NUDT9: variants seen among roughly 807,000 people sequenced by gnomAD.
The protein encoded by NUDT9 is ADP-ribose pyrophosphatase.
NUDT9 carries 31 observed loss-of-function variants against 41.0 expected under a neutral mutation model. The ratio of observed to expected loss-of-function variants is 0.76; its 90% CI spans 0.57 to 1.02. NUDT9 has a LOEUF of 1.02. Among genes scored for constraint, NUDT9 ranks in the 50% least tolerant of loss-of-function variants. NUDT9 has a pLI of 0.00. For missense variants in NUDT9, 380 were observed against 431.4 expected (o/e 0.88, Z 1.06); for synonymous variants, 146 against 147.6 (o/e 0.99, Z 0.08).
chr4:87,434,462 G>A (rs1721819139), intron 1 of NUDT9: 2 of 149,874 alleles, frequency 1.3e-5, no homozygotes, highest in South Asian at 4.2e-4. Flanking sequence ...TCAGTGAGTG[G>A]GTTCCAGCTA....
intron 4 of NUDT9, among the ~76,000 whole-genome samples, chr4:87,448,722 C>G (rs767555173): frequency 6.6e-6 from 1 of 152,168 alleles, no homozygotes; most frequent in African/African-American, 2.4e-5. Context: ...TCAAGCAATT[C>G]TCCCAAAGTG....
intron 5 of NUDT9, among the ~76,000 whole-genome samples, chr4:87,450,954 A>C (rs1359114599): frequency 6.6e-6 from 1 of 152,298 alleles, no homozygotes; most frequent in East Asian, 1.9e-4. Flanking sequence ...CCAGTTGGAG[A>C]GACAGATAAT....
chr4:87,433,940 A>G (rs771095176), intron 1 of NUDT9, among the ~76,000 whole-genome samples: 16 of 152,082 alleles, frequency 1.1e-4, no homozygotes, highest in African/African-American at 3.4e-4. Context: ...AATAATTTCT[A>G]TTTTCCTGTT....
chr4:87,424,110 G>T (rs59716710), intron 1 of NUDT9, among the ~76,000 whole-genome samples: 4,069 of 152,142 alleles, frequency 0.027, 182 homozygotes, highest in African/African-American at 0.091. Flanking sequence ...TGGACTTTTT[G>T]CTTGGAGATT....
At chr4:87,437,556 A>C (rs1473148939) in intron 2 of NUDT9, among the ~76,000 whole-genome samples, 2 of 151,626 alleles carry the variant, frequency 1.3e-5, no homozygotes, top group African/African-American at 2.4e-5. Context: ...GTTAGCCAGG[A>C]TGGTCTTGAT....
chr4:87,445,158 C>A (rs1225486752), intron 4 of NUDT9, among the ~76,000 whole-genome samples: 1 of 152,110 alleles, frequency 6.6e-6, no homozygotes, highest in Non-Finnish European at 1.5e-5. Context: ...ATTGATATAT[C>A]TATTTTGAGG....
intron 4 of NUDT9, among the ~76,000 whole-genome samples, chr4:87,442,861 C>T (rs1342244512): frequency 6.6e-6 from 1 of 152,184 alleles, no homozygotes; most frequent in Non-Finnish European, 1.5e-5. Flanking sequence ...CTGTCATCTC[C>T]TATGATAATA....
Position 87,423,025 on chromosome 4 carries a change from CCTA to C in NUDT9, c.107+18_107+20del. On this transcript the variant is annotated intron_variant, in intron 1 of 7. Coordinates refer to ENST00000302174, the MANE Select transcript of NUDT9 (RefSeq NM_024047.5). ...TCCAGGCGTTCAGGTATTCCACCCT[CCTA>C]CTACCGGCTCCTTTGCCCTAGACCT... 6.2e-7 allele frequency: 1 copy of C among 1,602,922 alleles called. No homozygotes were observed. The highest frequency in any genetic ancestry group is 8.5e-7 in the Non-Finnish European group (1 of 1,172,098).
rs78458139 is a variant in NUDT9 at position 87,433,450 on chromosome 4, G to A, written c.108-1531G>A. 3.4e-3 allele frequency among the ~76,000 whole-genome samples: 520 copies of A among 152,174 alleles called. 5 individuals carry two copies. The highest frequency in any genetic ancestry group is 0.012 in the African/African-American group (501 of 41,510). On this transcript the variant is annotated intron_variant, in intron 1 of 7. Transcript: ENST00000302174. ...TCAGATTCATGTCATATATTTTTGG[G>A]AGAAATACCTCAAATGACTGTTGCA... is the stretch of plus-strand genomic sequence containing the variant.
chr4:87,438,032 G>A (rs1451339849), intron 2 of NUDT9, among the ~76,000 whole-genome samples: 1 of 151,882 alleles, frequency 6.6e-6, no homozygotes, highest in Admixed American at 6.6e-5. Context: ...CCTTCCTGGA[G>A]GGGTTAGTAA....
intron 6 of NUDT9, among the ~76,000 whole-genome samples, 196 bp downstream of exon 6, chr4:87,451,931 C>T (rs1289367991): frequency 6.6e-6 from 1 of 151,904 alleles, no homozygotes; most frequent in Non-Finnish European, 1.5e-5. Context: ...CAACTTTAGG[C>T]TATATAGGCT....
At chr4:87,448,868 A>T (rs1030337192) in intron 4 of NUDT9, among the ~76,000 whole-genome samples, 6 of 152,118 alleles carry the variant, frequency 3.9e-5, no homozygotes, top group Non-Finnish European at 7.4e-5. Context: ...TTTTGTTAAT[A>T]CTTTAAGTAG....
At chr4:87,449,991 G>A (rs566611092) in intron 5 of NUDT9, among the ~76,000 whole-genome samples, 36 of 152,082 alleles carry the variant, frequency 2.4e-4, no homozygotes, top group Admixed American at 1.3e-3. Flanking sequence ...GTCTCCCAAC[G>A]TAGCTGGGAT....
intron 7 of NUDT9, among the ~76,000 whole-genome samples, chr4:87,456,607 T>C (rs1723001482): frequency 6.6e-6 from 1 of 152,322 alleles, no homozygotes; most frequent in East Asian, 1.9e-4. Context: ...GGAGATTTTA[T>C]CTTTCAAGCT....
chr4:87,427,291 A>C (rs1325193687), intron 1 of NUDT9, among the ~76,000 whole-genome samples: 1 of 152,218 alleles, frequency 6.6e-6, no homozygotes, highest in Non-Finnish European at 1.5e-5. Flanking sequence ...GCACCACGTC[A>C]GTATTGCATT....
chr4:87,456,441 A>G (rs994762550), intron 7 of NUDT9, among the ~76,000 whole-genome samples: 1 of 152,156 alleles, frequency 6.6e-6, no homozygotes, highest in African/African-American at 2.4e-5. Flanking sequence ...CCTTGAGGGC[A>G]GAGTGATCTG....
rs1180811640 is a variant in NUDT9 at position 87,446,752 on chromosome 4, T to C, written c.531-2390T>C. 2.0e-5 allele frequency among the ~76,000 whole-genome samples: 3 copies of C among 152,334 alleles called. No homozygotes were observed. The East Asian group carries it at 5.8e-4, about 29-fold the overall frequency. On this transcript the variant is annotated intron_variant, in intron 4 of 7. Coordinates refer to ENST00000302174, the MANE Select transcript of NUDT9 (RefSeq NM_024047.5). ...TAATAAAACAACTATGTTATAGGGT[T>C]GTTTTGAGGCTTAAATGGATAAATA... is the stretch of plus-strand genomic sequence containing the variant.
intron 2 of NUDT9, 96 bp from the exon 3 acceptor site, chr4:87,438,181 G>T: frequency 1.8e-6 from 1 of 562,664 alleles, no homozygotes. Flanking sequence ...ATTGTTTCAG[G>T]AATACTTCTT....
At chr4:87,427,225 C>T (rs1160841784) in intron 1 of NUDT9, among the ~76,000 whole-genome samples, 1 of 151,312 alleles carries the variant, frequency 6.6e-6, no homozygotes, top group Non-Finnish European at 1.5e-5. Context: ...ACATAGCAAT[C>T]ACTATATACA....
Sources: allele counts gnomAD v4.1 joint callset (sites outside exome capture counted in the v4.1 genomes callset), GRCh38; gene constraint gnomAD v4.1.1; transcripts MANE v1.5; gene names NCBI Gene and HGNC (gene_info 2026-07-23, HGNC 2026-07-21).